Variants in KCNMA1 observed in about 807,000 individuals in gnomAD.
KCNMA1 encodes the protein potassium calcium-activated channel subfamily M alpha 1.
Under a neutral mutation model 140.0 loss-of-function variants are expected in KCNMA1, and 29 were observed. That is an observed-to-expected ratio of 0.21 (90% CI 0.15 to 0.28). KCNMA1 has a LOEUF of 0.28. Among genes scored for constraint, KCNMA1 ranks in the 10% least tolerant of loss-of-function variants. The pLI is 1.00. For missense variants in KCNMA1, 880 were observed against 1,602.2 expected, an observed-to-expected ratio of 0.55 and a Z score of 7.70; for synonymous variants, 612 against 611.9, an observed-to-expected ratio of 1.00 and a Z score of 0.00.
chr10:77,583,235 G>A (rs1286337707), intron 1 of KCNMA1, among the ~76,000 whole-genome samples: 1 of 152,182 alleles, frequency 6.6e-6, no homozygotes, highest in South Asian at 2.1e-4. Context: ...TTCCTGGTCA[G>A]TCTTATGCAG....
chr10:77,258,143 A>G (rs1371186571), intron 2 of KCNMA1, among the ~76,000 whole-genome samples: 1 of 152,210 alleles, frequency 6.6e-6, no homozygotes, highest in Non-Finnish European at 1.5e-5. Context: ...TGATTATGAG[A>G]TGGGACCTTG....
intron 2 of KCNMA1, among the ~76,000 whole-genome samples, chr10:77,343,594 G>A (rs769742667): frequency 6.6e-6 from 1 of 152,146 alleles, no homozygotes; most frequent in Non-Finnish European, 1.5e-5. Context: ...TAGGCACTGA[G>A]GATACAGTGG....
chr10:77,133,493 T>C (rs964410488), intron 5 of KCNMA1, among the ~76,000 whole-genome samples: 1 of 151,676 alleles, frequency 6.6e-6, no homozygotes, highest in African/African-American at 2.4e-5. Context: ...GAGCAATGAC[T>C]ATATCAAATA....
chr10:77,274,784 A>T (rs2066158519), intron 2 of KCNMA1, among the ~76,000 whole-genome samples: 1 of 152,204 alleles, frequency 6.6e-6, no homozygotes, highest in Non-Finnish European at 1.5e-5. Context: ...CGATTGTCAG[A>T]GGAAATGGAG....
chr10:77,411,999 T>G (rs2154477006), intron 1 of KCNMA1, among the ~76,000 whole-genome samples: 1 of 152,308 alleles, frequency 6.6e-6, no homozygotes, highest in Admixed American at 6.5e-5. Flanking sequence ...TCTCCAGCAC[T>G]AAGAGGCTGA....
At chr10:77,079,728 G>A in intron 12 of KCNMA1, 178 bp from the exon 13 acceptor site, 3 of 643,740 alleles carry the variant, frequency 4.7e-6, no homozygotes, top group Non-Finnish European at 8.5e-6. Context: ...AAACAGGGAT[G>A]GGGCAGAAGC....
At chr10:77,307,535 T>G (rs2078097824) in intron 2 of KCNMA1, among the ~76,000 whole-genome samples, 1 of 152,148 alleles carries the variant, frequency 6.6e-6, no homozygotes, top group African/African-American at 2.4e-5. Context: ...ACATTTAAGG[T>G]TTAAGGCTAG....
chr10:77,377,051 T>C (rs1249333287), intron 2 of KCNMA1, among the ~76,000 whole-genome samples: 3 of 152,152 alleles, frequency 2.0e-5, no homozygotes. Context: ...GCTAAGTTCT[T>C]TTTGTCTGTG....
At chr10:76,890,721 C>A (rs530448490) in intron 26 of KCNMA1, among the ~76,000 whole-genome samples, 1 of 152,234 alleles carries the variant, frequency 6.6e-6, no homozygotes, top group South Asian at 2.1e-4. Context: ...TTAAATGCAT[C>A]TGTGGGGTTG....
chr10:77,424,733 G>A (rs1175238501), intron 1 of KCNMA1, among the ~76,000 whole-genome samples: 2 of 152,200 alleles, frequency 1.3e-5, no homozygotes, highest in African/African-American at 4.8e-5. Flanking sequence ...GGAACAGACT[G>A]ATTTAATGAA....
At chr10:77,001,073 C>T (rs72803396) in intron 19 of KCNMA1, among the ~76,000 whole-genome samples, 1,657 of 151,886 alleles carry the variant, frequency 0.011, 19 homozygotes, top group Non-Finnish European at 0.018. Context: ...TACACTTCTG[C>T]ATATCTCTGT....
intron 3 of KCNMA1, among the ~76,000 whole-genome samples, chr10:77,205,619 G>GGC (rs929996172): frequency 6.4e-5 from 9 of 139,700 alleles, no homozygotes; most frequent in African/African-American, 2.1e-4. Flanking sequence ...GATTGATGAA[G>GGC]GTTTCTTATA....
intron 1 of KCNMA1, among the ~76,000 whole-genome samples, chr10:77,598,665 G>A (rs2081650398): frequency 6.6e-6 from 1 of 152,248 alleles, no homozygotes; most frequent in Non-Finnish European, 1.5e-5. Context: ...GAGGAGCAGT[G>A]TGGAGGGGAG....
At chr10:77,134,588 CG>C (rs1334269940) in intron 5 of KCNMA1, among the ~76,000 whole-genome samples, 11 of 151,986 alleles carry the variant, frequency 7.2e-5, no homozygotes, top group Non-Finnish European at 1.5e-4. Context: ...CCCATGACAA[CG>C]GTCAGGGCAA....
intron 5 of KCNMA1, among the ~76,000 whole-genome samples, chr10:77,129,761 C>T (rs1399763164): frequency 1.3e-5 from 2 of 150,918 alleles, no homozygotes; most frequent in Non-Finnish European, 2.9e-5. Context: ...AGAAAACAAA[C>T]AAAATAAAGT....
intron 25 of KCNMA1, among the ~76,000 whole-genome samples, chr10:76,898,577 T>C (rs997749583): frequency 6.6e-6 from 1 of 151,646 alleles, no homozygotes; most frequent in Non-Finnish European, 1.5e-5. Context: ...ATAAGCTGTA[T>C]AACCTACATT....
chr10:77,514,719 T>C (rs1003018846), intron 1 of KCNMA1, among the ~76,000 whole-genome samples: 1 of 152,112 alleles, frequency 6.6e-6, no homozygotes, highest in Non-Finnish European at 1.5e-5. Flanking sequence ...TGGAATAGGG[T>C]AAGAATAAGC....
chr10:77,341,472 T>C (rs950114151), intron 2 of KCNMA1, among the ~76,000 whole-genome samples: 42 of 152,220 alleles, frequency 2.8e-4, no homozygotes, highest in African/African-American at 4.8e-5. Context: ...CCCTCCTCCC[T>C]CATTCCCATT....
intron 3 of KCNMA1, among the ~76,000 whole-genome samples, chr10:77,200,470 C>T (rs925156248): frequency 6.6e-6 from 1 of 152,096 alleles, no homozygotes; most frequent in Non-Finnish European, 1.5e-5. Context: ...GGGAAATACC[C>T]CTTCTTCAGG....
Sources: gnomAD v4.1 joint callset for allele counts (sites outside exome capture counted in the v4.1 genomes callset) on GRCh38, gnomAD v4.1.1 for gene constraint, MANE v1.5 for transcripts, NCBI Gene and HGNC (gene_info 2026-07-23, HGNC 2026-07-21) for gene names.